Variants in GMPR2 observed in about 807,000 individuals in gnomAD.
GMPR2 encodes the protein GMP reductase 2.
GMPR2 carries 32 observed loss-of-function variants against 38.5 expected under a neutral mutation model. That is an observed-to-expected ratio of 0.83 (90% confidence interval 0.63 to 1.12). GMPR2 has a LOEUF of 1.12. GMPR2 is among the 50% of genes most tolerant of loss of function. The pLI is 0.00. For missense variants in GMPR2, 396 were observed against 432.1 expected (o/e 0.92, Z 0.74); for synonymous variants, 154 against 151.0 (o/e 1.02, Z -0.15).
chr14:24,237,864 GCA>G (rs1461824135), intron 8 of GMPR2: 5 of 498,224 alleles, frequency 1.0e-5, no homozygotes, highest in Non-Finnish European at 1.8e-5. Flanking sequence ...TTTTCATTTT[GCA>G]CAGCTTCCCA....
intron 8 of GMPR2, 33 bp from the exon 9 acceptor site, chr14:24,238,213 T>A (rs751147478): frequency 1.2e-5 from 19 of 1,583,288 alleles, no homozygotes; most frequent in Non-Finnish European, 1.6e-5. Flanking sequence ...CTTGGCCAGA[T>A]TAATCTCTTT....
rs1311895933 is a variant in GMPR2, at chr14:24,236,141, G to T, written c.465+1G>T. 1 of 1,612,112 alleles carries T rather than the reference G, an allele frequency of 6.2e-7. No individual in the cohort carries two copies. Among genetic ancestry groups the T allele is most frequent in the Non-Finnish European group, 8.5e-7 (1 of 1,178,584 alleles). On this transcript the variant is annotated splice_donor_variant, in intron 5 of 9. Transcript: ENST00000399440. LOFTEE classifies it high-confidence loss of function. Reference sequence around the variant, plus strand: ...GCGCTTCCCCCAGCACACCATCATGGTATGTTTCTATTACAGTCGGTACCT... The same window carrying T: ...GCGCTTCCCCCAGCACACCATCATGTTATGTTTCTATTACAGTCGGTACCT...
At position 24,238,327 on chromosome 14, in the gene GMPR2, G is replaced by A; in HGVS notation, c.779G>A (p.Gly260Asp). 1.2e-6 allele frequency: 2 copies of A among 1,614,116 alleles called. No homozygotes were observed. The highest frequency in any genetic ancestry group is 8.5e-7 in the Non-Finnish European group (1 of 1,179,984). ...ESGGELIERD[G>D]KKYKLFYGMS... ...GGTGGTGAGCTCATCGAGAGGGATG[G>A]CAAGAAGTACAAGCTCTTCTATGGA... Residue 260 changes from glycine (G) to aspartate (D), a missense_variant, in exon 9 of 10, where the codon GGC becomes GAC. Transcript: ENST00000399440.
intron 5 of GMPR2, 74 bp from the exon 6 acceptor site, chr14:24,236,997 C>G (rs2040374251): frequency 2.8e-6 from 3 of 1,079,100 alleles, no homozygotes; most frequent in Non-Finnish European, 4.3e-6. Context: ...AGTCATGGTC[C>G]ATGCATACCG....
At chr14:24,232,747 A>G, upstream of GMPR2, 3 of 226,860 alleles carry the variant, frequency 1.3e-5, no homozygotes, top group South Asian at 1.7e-4. Context: ...AACTAGAGGA[A>G]CCTGTTGGCG....
chr14:24,238,242 G>C lies in GMPR2; in HGVS notation c.698-4G>C, dbSNP rs1248458095. 2 of 1,606,100 alleles carry C rather than the reference G, an allele frequency of 1.2e-6. No individual in the cohort carries two copies. Among genetic ancestry groups the C allele is most frequent in the Non-Finnish European group, 1.7e-6 (2 of 1,175,274 alleles). ...TCTCTTTCCCCCCTCCATGATGGTG[G>C]CAGGGGCAGGAGCTGACTTCGTGAT... On this transcript the variant is annotated splice_polypyrimidine_tract_variant and splice_region_variant and intron_variant, in intron 8 of 9. Transcript: ENST00000399440.
intron 8 of GMPR2, chr14:24,237,932 G>T: frequency 2.1e-6 from 1 of 468,988 alleles, no homozygotes; most frequent in South Asian, 3.7e-5. Flanking sequence ...CACATGAAAT[G>T]AGTCTTATTT....
Position 24,232,957 on chromosome 14 carries a change from A to G in GMPR2, c.-56A>G, listed in dbSNP as rs141037552. On this transcript the variant is annotated 5_prime_UTR_variant, in exon 1 of 10. Coordinates refer to ENST00000399440, the MANE Select transcript of GMPR2 (RefSeq NM_001002002.3). The stretch of plus-strand genomic sequence containing the variant: ...TTGCCCCATTGCTCTTTGCAGGGGT[A>G]GAAGAAGGAAGTGTAGCGGGGTAAG... 5.4e-4 allele frequency: 290 copies of G among 535,070 alleles called. 2 individuals are homozygous for G. The East Asian group carries it at 8.5e-3, about 16-fold the overall frequency. 33.1% of individuals were successfully genotyped at this position (535,070 alleles called of 1,614,324 possible).
At position 24,233,429 on chromosome 14, in the gene GMPR2, G is replaced by A. The variant is rs111592559; in HGVS notation, c.88-50G>A. On this transcript the variant is annotated intron_variant, in intron 2 of 9. Coordinates refer to ENST00000399440, the MANE Select transcript of GMPR2 (RefSeq NM_001002002.3). ...AGATGCCTGTCCTTGTCCTAATATGGTACGTTTTTTGGATTAATGAAATGG... is the reference window on the plus strand; with the variant it reads ...AGATGCCTGTCCTTGTCCTAATATGATACGTTTTTTGGATTAATGAAATGG... The A allele has an allele frequency of 1.6e-5, 26 of 1,608,896 alleles. No individual in the cohort carries two copies. The African/African-American group carries it at 1.7e-4, about 11-fold the overall frequency.
At chr14:24,234,316 C>A in intron 3 of GMPR2, 2 of 993,746 alleles carry the variant, frequency 2.0e-6, no homozygotes, top group Non-Finnish European at 2.7e-6. Context: ...TTGATGAATT[C>A]TGCTATTGTT....
At position 24,233,310 on chromosome 14, in the gene GMPR2, C is replaced by G. The variant is rs1480262399; in HGVS notation, c.57C>G (p.Pro19=). The change falls in exon 2 of 10, where the codon CCC becomes CCG. Residue 19 remains proline, a synonymous_variant. Coordinates refer to ENST00000399440, the MANE Select transcript of GMPR2 (RefSeq NM_001002002.3). ...ACTTCAAGGATGTCCTTTTGAGGCC[C>G]AAACGCAGTACCCTTAAGTCTCGAA... ...KLDFKDVLLR[P]KRSTLKSRSE... 2 of 1,614,098 alleles carry G rather than the reference C, an allele frequency of 1.2e-6. No individual in the cohort carries two copies. The highest frequency in any genetic ancestry group is 1.7e-5 in the Admixed American group (1 of 60,020).
chr14:24,233,797 G>A, intron 3 of GMPR2, 199 bp downstream of exon 3: 1 of 649,002 alleles, frequency 1.5e-6, no homozygotes. Context: ...GAGATTCAAA[G>A]CTAAGTTCTG....
At chr14:24,233,872 T>G in intron 3 of GMPR2, 1 of 546,220 alleles carries the variant, frequency 1.8e-6, no homozygotes, top group Non-Finnish European at 3.2e-6. Context: ...TTGTACACCT[T>G]GCCAACTTTT....
intron 8 of GMPR2, 107 bp downstream of exon 8, chr14:24,237,669 T>C: frequency 3.0e-6 from 3 of 1,011,278 alleles, no homozygotes; most frequent in Non-Finnish European, 4.7e-6. Context: ...TCAGATTCTT[T>C]CATAATATGA....
chr14:24,237,787 G>A, intron 8 of GMPR2: 1 of 587,774 alleles, frequency 1.7e-6, no homozygotes. Context: ...TTGCTGCACA[G>A]TGCAGACTCC....
chr14:24,236,169 T>TTA, intron 5 of GMPR2, 29 bp downstream of exon 5: 1 of 1,577,370 alleles, frequency 6.3e-7, no homozygotes, highest in Non-Finnish European at 8.7e-7. Flanking sequence ...CGGTACCTTT[T>TTA]TATCTTTCCA....
rs1032316040 is a variant in GMPR2 at position 24,237,750 on chromosome 14, G to C, written c.697+188G>C. 31 of 621,562 alleles carry C rather than the reference G, an allele frequency of 5.0e-5. 1 individual carries two copies. Among genetic ancestry groups the C allele is most frequent in the African/African-American group, 4.8e-4 (26 of 54,466 alleles). 38.5% of individuals were successfully genotyped at this position (621,562 alleles called of 1,614,324 possible). A position where few individuals can be genotyped will look rare whatever the true frequency, so the allele number is the denominator to read the frequency against. ...GGGACATCTGAGACTCCAAGTGTGG[G>C]CCAGGGCCATCTGACCATCTCCTAG... On this transcript the variant is annotated intron_variant, in intron 8 of 9. Transcript: ENST00000399440.
At chr14:24,234,121 G>A (rs531922580) in intron 3 of GMPR2, 17 of 1,289,210 alleles carry the variant, frequency 1.3e-5, no homozygotes, top group Admixed American at 9.2e-5. Flanking sequence ...AGGTTCCTGG[G>A]AGTTTCTGGG....
chr14:24,235,296 CTG>C, intron 3 of GMPR2: 1 of 169,204 alleles, frequency 5.9e-6, no homozygotes, highest in Non-Finnish European at 1.3e-5. Context: ...TACTGAATTA[CTG>C]CTGGTAAATG....
Sources: allele counts gnomAD v4.1 joint callset, GRCh38; gene constraint gnomAD v4.1.1; transcripts MANE v1.5; gene names NCBI Gene and HGNC (gene_info 2026-07-23, HGNC 2026-07-21).